The following TTLL11 variants were observed in gnomAD, a reference collection of about 807,000 sequenced individuals.
The protein encoded by TTLL11 is tubulin polyglutamylase TTLL11.
A neutral mutation model predicts 51.7 loss-of-function variants in TTLL11; 42 were observed. That is an observed-to-expected ratio of 0.81 (90% CI 0.64 to 1.05). The LOEUF (loss-of-function observed/expected upper bound fraction) is 1.05, where lower values mean the gene tolerates loss of function less well. TTLL11 is among the 50% of genes least tolerant of loss of function. TTLL11 has a pLI of 0.00. For synonymous variants in TTLL11, 381 were observed against 383.5 expected (o/e 0.99, Z 0.08); for missense variants, 799 against 940.4 (o/e 0.85, Z 1.97).
rs148803322 is a variant in TTLL11 at position 122,073,278 on chromosome 9, C to T, written c.462+19409G>A. On this transcript the variant is annotated intron_variant, in intron 1 of 8. Coordinates refer to ENST00000321582, the MANE Select transcript of TTLL11 (RefSeq NM_001139442.2). ...ACAAAAAATTAGCCAGGCATGGTGG[C>T]ATGCACCTGTAATCCCAGTTACTCG... 8.8e-3 allele frequency among the ~76,000 whole-genome samples: 1,340 copies of T among 152,198 alleles called. 5 individuals are homozygous for T. Among genetic ancestry groups the T allele is most frequent in the South Asian group, 0.033 (158 of 4,818 alleles).
chr9:121,950,957 G>C (rs1358130360), intron 6 of TTLL11, among the ~76,000 whole-genome samples: 1 of 152,284 alleles, frequency 6.6e-6, no homozygotes, highest in East Asian at 1.9e-4. Flanking sequence ...TGTTGATGAT[G>C]ATGACGAGGG....
At chr9:121,947,128 T>C (rs1478470633) in intron 6 of TTLL11, among the ~76,000 whole-genome samples, 1 of 152,192 alleles carries the variant, frequency 6.6e-6, no homozygotes, top group Non-Finnish European at 1.5e-5. Context: ...TCCACAGTGC[T>C]ACGCTGCTTC....
At chr9:121,841,669 C>T (rs556052889) in intron 8 of TTLL11, among the ~76,000 whole-genome samples, 19 of 151,636 alleles carry the variant, frequency 1.3e-4, no homozygotes, top group African/African-American at 4.1e-4. Context: ...TGGTGGGGCA[C>T]GAAGAACTGT....
At chr9:122,076,370 A>G (rs554821196) in intron 1 of TTLL11, among the ~76,000 whole-genome samples, 1 of 152,292 alleles carries the variant, frequency 6.6e-6, no homozygotes, top group Admixed American at 6.5e-5. Flanking sequence ...CAAGAATCAG[A>G]CTGGAAATTC....
chr9:121,937,523 T>C (rs757844683), intron 6 of TTLL11, among the ~76,000 whole-genome samples: 3 of 152,202 alleles, frequency 2.0e-5, no homozygotes, highest in Non-Finnish European at 4.4e-5. Context: ...GCACTAATCG[T>C]ATTCACCAAA....
intron 6 of TTLL11, among the ~76,000 whole-genome samples, chr9:121,936,326 C>A (rs569898355): frequency 2.9e-4 from 44 of 151,442 alleles, no homozygotes; most frequent in African/African-American, 1.0e-3. Context: ...TGCAGTGGCT[C>A]GATCACTGCT....
chr9:122,002,756 C>A (rs1336923309), intron 3 of TTLL11, among the ~76,000 whole-genome samples: 1 of 151,800 alleles, frequency 6.6e-6, no homozygotes, highest in Non-Finnish European at 1.5e-5. Flanking sequence ...ACCATCCTGG[C>A]CAACATGGTG....
chr9:122,010,257 TGTC>T lies in TTLL11; in HGVS notation c.694-20490_694-20488del, dbSNP rs540140195. On this transcript the variant is annotated intron_variant, in intron 3 of 8. Transcript: ENST00000321582. ...TTGTATTAAGTGAAAATGAAAACCA[TGTC>T]GACTCCCTCCCTTTATAAAAATGAG... Among the ~76,000 whole-genome samples the T allele has an allele frequency of 1.2e-4, 18 of 152,288 alleles. No individual in the cohort carries two copies. In the South Asian group the frequency reaches 3.3e-3, roughly 28 times the overall value.
chr9:121,866,690 A>G (rs1301414417), intron 7 of TTLL11, among the ~76,000 whole-genome samples: 1 of 151,884 alleles, frequency 6.6e-6, no homozygotes, highest in Non-Finnish European at 1.5e-5. Context: ...AAAGAAAAGA[A>G]AAAGAAAAAC....
intron 4 of TTLL11, 72 bp from the exon 5 acceptor site, chr9:121,975,051 T>G: frequency 5.1e-6 from 6 of 1,177,098 alleles, no homozygotes; most frequent in Non-Finnish European, 6.9e-6. Flanking sequence ...AAGTTGAAAA[T>G]AAATTCAAAC....
intron 8 of TTLL11, among the ~76,000 whole-genome samples, chr9:121,825,749 C>T (rs550232616): frequency 6.6e-6 from 1 of 152,154 alleles, no homozygotes; most frequent in South Asian, 2.1e-4. Context: ...ACTCACTGCA[C>T]CTCTTTACTC....
intron 4 of TTLL11, among the ~76,000 whole-genome samples, chr9:121,977,692 G>C (rs1234274721): frequency 1.2e-5 from 1 of 82,916 alleles, no homozygotes; most frequent in Non-Finnish European, 2.6e-5. Context: ...TTTTTTTTTT[G>C]AGACAGAGTT....
chr9:122,075,448 C>T (rs1588260326), intron 1 of TTLL11, among the ~76,000 whole-genome samples: 1 of 152,300 alleles, frequency 6.6e-6, no homozygotes, highest in East Asian at 1.9e-4. Context: ...AAAAGTGTTG[C>T]ATACATTCTT....
rs1363210365 is a variant in TTLL11 at position 121,853,212 on chromosome 9, G to A, written c.1840+7125C>T. Among the ~76,000 whole-genome samples the A allele has an allele frequency of 6.6e-6, 1 of 152,188 alleles. No individual in the cohort carries two copies. Among genetic ancestry groups the A allele is most frequent in the Admixed American group, 6.5e-5 (1 of 15,288 alleles). On this transcript the variant is annotated intron_variant, in intron 8 of 8. Coordinates refer to ENST00000321582, the MANE Select transcript of TTLL11 (RefSeq NM_001139442.2). The surrounding 1 kb of genome is among the most constrained non-coding windows in gnomAD (Gnocchi z 5.6). ...TGGTCCATGGGACATGTGTAGCAGG[G>A]CACCTGCTAGATGCCAGTCTCAGTG...
rs1469019054 is a variant in TTLL11, at chr9:122,092,567, C to T, written c.462+120G>A. On this transcript the variant is annotated intron_variant, in intron 1 of 8. Transcript: ENST00000321582. Reference sequence around the variant, plus strand: ...TTTGCGGCTGACAAGCAGGCCCGAGCGTGGTGCACCGCAGGAGCTCAGCCC... The same window carrying T: ...TTTGCGGCTGACAAGCAGGCCCGAGTGTGGTGCACCGCAGGAGCTCAGCCC... The T allele has an allele frequency of 7.6e-6, 11 of 1,452,328 alleles. No homozygotes were observed. The South Asian group carries it at 1.6e-4, about 20-fold the overall frequency. The allele number at this position is 1,452,328 out of a possible 1,614,324, so 90.0% of individuals were successfully genotyped here. A position where few individuals can be genotyped will look rare whatever the true frequency, so the allele number is the denominator to read the frequency against.
rs540987290 is a variant in TTLL11, at chr9:121,962,952, C to T, written c.1481+11057G>A. On this transcript the variant is annotated intron_variant, in intron 6 of 8. Transcript: ENST00000321582. ...TAGGCATGAACCCAACCAGGGAATG[C>T]TAACGCCTTGCAGGCACCCATCTCT... 1.2e-4 allele frequency among the ~76,000 whole-genome samples: 19 copies of T among 152,360 alleles called. No homozygotes were observed. In the South Asian group the frequency reaches 3.9e-3, roughly 32 times the overall value.
intron 6 of TTLL11, among the ~76,000 whole-genome samples, chr9:121,882,388 C>T (rs770444815): frequency 2.0e-5 from 3 of 152,192 alleles, no homozygotes; most frequent in Non-Finnish European, 4.4e-5. Flanking sequence ...CCACTGCCCA[C>T]ATACTGTTCT....
chr9:121,983,218 T>C (rs115108977), intron 4 of TTLL11, among the ~76,000 whole-genome samples: 2,797 of 151,890 alleles, frequency 0.018, 79 homozygotes, highest in African/African-American at 0.062. Context: ...TTGGTCTGAG[T>C]GACTGACTGA....
chr9:122,062,425 T>A (rs1199232720), intron 1 of TTLL11, among the ~76,000 whole-genome samples: 1 of 150,356 alleles, frequency 6.7e-6, no homozygotes, highest in Non-Finnish European at 1.5e-5. Flanking sequence ...CAAATCTGTA[T>A]CCCATTATAA....
Sources: allele counts gnomAD v4.1 joint callset (sites outside exome capture counted in the v4.1 genomes callset), GRCh38; gene constraint gnomAD v4.1.1; non-coding constraint Gnocchi (gnomAD v3.1); transcripts MANE v1.5; gene names NCBI Gene and HGNC (gene_info 2026-07-23, HGNC 2026-07-21).